KIAA1549: variants seen among roughly 807,000 people sequenced by gnomAD.
KIAA1549 encodes the protein UPF0606 protein KIAA1549.
Under a neutral mutation model 156.4 loss-of-function variants are expected in KIAA1549, and 70 were observed. The observed-to-expected ratio is 0.45, with a 90% CI of 0.37 to 0.55. The LOEUF is 0.55. KIAA1549 is among the 20% of genes least tolerant of loss of function. The probability of loss-of-function intolerance (pLI) is 0.00; values close to 1 mark genes in which losing one functional copy is unlikely to be tolerated. For missense variants in KIAA1549, 2,428 were observed against 2,540.9 expected, an observed-to-expected ratio of 0.96 and a Z score of 0.96; for synonymous variants, 1,103 against 1,066.4, an observed-to-expected ratio of 1.03 and a Z score of -0.67.
intron 1 of KIAA1549, among the ~76,000 whole-genome samples, chr7:138,974,117 C>A (rs1163991375): frequency 6.6e-6 from 1 of 152,216 alleles, no homozygotes; most frequent in Admixed American, 6.5e-5. Context: ...AAGAGACACA[C>A]AAATGGTCAA....
intron 1 of KIAA1549, among the ~76,000 whole-genome samples, chr7:138,976,582 C>T (rs1295017839): frequency 2.6e-5 from 4 of 152,132 alleles, no homozygotes; most frequent in Non-Finnish European, 4.4e-5. Context: ...TTGTTAATCT[C>T]TTACTGTGCC....
chr7:138,880,581 G>A (rs1811213052), intron 11 of KIAA1549, among the ~76,000 whole-genome samples: 1 of 152,114 alleles, frequency 6.6e-6, no homozygotes, highest in Non-Finnish European at 1.5e-5. Flanking sequence ...GCTCTTAGCA[G>A]GAAATCAGGA....
intron 1 of KIAA1549, among the ~76,000 whole-genome samples, chr7:138,925,971 G>A (rs765594931): frequency 1.3e-5 from 2 of 152,094 alleles, no homozygotes; most frequent in Non-Finnish European, 2.9e-5. Flanking sequence ...GTCCACCTGG[G>A]GACAGCTCAC....
At position 138,925,938 on chromosome 7, in the gene KIAA1549, G is replaced by A. The variant is rs534165628; in HGVS notation, c.188-6500C>T. On this transcript the variant is annotated intron_variant, in intron 1 of 19. Coordinates refer to ENST00000422774, the MANE Select transcript of KIAA1549 (RefSeq NM_001164665.2). ...TACTAAAACTTATGGGCAGGCACAC[G>A]TTTTGGACTCTGAAGCCCCGCAGTC... 7.6e-4 allele frequency among the ~76,000 whole-genome samples: 113 copies of A among 149,212 alleles called. 1 individual carries two copies. The highest frequency in any genetic ancestry group is 1.6e-3 in the African/African-American group (63 of 40,578).
Position 138,861,306 on chromosome 7 carries a change from C to T in KIAA1549, c.5080G>A (p.Ala1694Thr). Residue 1694 changes from alanine (A) to threonine (T), a missense_variant, in exon 16 of 20, where the codon GCC (alanine) becomes ACC (threonine). Transcript: ENST00000422774. ...RQTMHSLLDD[A>T]FALVAPSSQP... ...CTGCTGGGGGCCACGAGGGCAAAGG[C>T]GTCGTCCAGGAGGGAGTGCATGGTC... is the stretch of plus-strand genomic sequence containing the variant. 1.2e-6 allele frequency: 2 copies of T among 1,608,700 alleles called. No homozygotes were observed. The highest frequency in any genetic ancestry group is 1.7e-6 in the Non-Finnish European group (2 of 1,178,208).
At chr7:138,945,184 G>A (rs1813302329) in intron 1 of KIAA1549, among the ~76,000 whole-genome samples, 1 of 152,076 alleles carries the variant, frequency 6.6e-6, no homozygotes, top group African/African-American at 2.4e-5. Flanking sequence ...GAATCACCCA[G>A]GGATCTTTTT....
At chr7:138,925,976 G>A (rs1812705797) in intron 1 of KIAA1549, among the ~76,000 whole-genome samples, 1 of 152,078 alleles carries the variant, frequency 6.6e-6, no homozygotes, top group South Asian at 2.1e-4. Flanking sequence ...CCTGGGGACA[G>A]CTCACAACTG....
At position 138,868,191 on chromosome 7, in the gene KIAA1549, C is replaced by T. The variant is rs111345596; in HGVS notation, c.4776-63G>A. 288 of 1,506,174 alleles carry T rather than the reference C, an allele frequency of 1.9e-4. 2 individuals carry two copies. The African/African-American group carries it at 3.6e-3, about 19-fold the overall frequency. 93.3% of individuals were successfully genotyped at this position (1,506,174 alleles called of 1,614,324 possible). ...ACCCTTTTTGCCACTGACTTACCAA[C>T]TAAACACTAAGTACCCTGAGTACCT... On this transcript the variant is annotated intron_variant, in intron 14 of 19. Coordinates refer to ENST00000422774, the MANE Select transcript of KIAA1549 (RefSeq NM_001164665.2).
rs75576327 is a variant in KIAA1549, at chr7:138,968,859, CAAAA to C, written c.187+12220_187+12223del. Reference sequence around the variant, plus strand: ...TGGGCGACAGAGCCAGACTCCGTCTCAAAAAAAAAAAAAAAAAAAAACACCTTGT... The same window carrying C: ...TGGGCGACAGAGCCAGACTCCGTCTCAAAAAAAAAAAAAAAAACACCTTGT... On this transcript the variant is annotated intron_variant, in intron 1 of 19. Transcript: ENST00000422774. 1.2e-4 allele frequency among the ~76,000 whole-genome samples: 8 copies of C among 66,454 alleles called. No individual in the cohort carries two copies. The South Asian group carries it at 1.9e-3, about 16-fold the overall frequency. 43.6% of individuals were successfully genotyped at this position (66,454 alleles called of 152,430 possible).
At chr7:138,853,581 C>T (rs989482216) in intron 16 of KIAA1549, among the ~76,000 whole-genome samples, 1 of 152,038 alleles carries the variant, frequency 6.6e-6, no homozygotes, top group African/African-American at 2.4e-5. Context: ...ATAACGATCT[C>T]CACATTCACA....
At chr7:138,980,801 G>A (rs191737454) in intron 1 of KIAA1549, among the ~76,000 whole-genome samples, 187 of 152,362 alleles carry the variant, frequency 1.2e-3, no homozygotes, top group African/African-American at 4.3e-3. Context: ...ATTCTGAGAT[G>A]AAGCCACCAG....
At position 138,836,857 on chromosome 7, in the gene KIAA1549, G is replaced by C. The variant is rs1302147436; in HGVS notation, c.*1049C>G. Reference sequence around the variant, plus strand: ...TTTCATTTCCAGGCTCTGAACACAGGGAATGTGACTGGTAGGGATGTATGT... The same window carrying C: ...TTTCATTTCCAGGCTCTGAACACAGCGAATGTGACTGGTAGGGATGTATGT... On this transcript the variant is annotated 3_prime_UTR_variant, in exon 20 of 20. Transcript: ENST00000422774. 3.5e-5 allele frequency: 8 copies of C among 225,898 alleles called. No individual in the cohort carries two copies. Among genetic ancestry groups the C allele is most frequent in the Non-Finnish European group, 6.2e-5 (7 of 113,638 alleles). 14.0% of individuals were successfully genotyped at this position (225,898 alleles called of 1,614,324 possible).
rs891863129 is a variant in KIAA1549, at chr7:138,835,253, C to A, written c.*2653G>T. The A allele has an allele frequency of 4.7e-6, 1 of 213,480 alleles. No individual in the cohort carries two copies. Among genetic ancestry groups the A allele is most frequent in the Non-Finnish European group, 9.5e-6 (1 of 105,676 alleles). The allele number at this position is 213,480 out of a possible 1,614,324, so 13.2% of individuals were successfully genotyped here. On this transcript the variant is annotated 3_prime_UTR_variant, in exon 20 of 20. Coordinates refer to ENST00000422774, the MANE Select transcript of KIAA1549 (RefSeq NM_001164665.2). Reference sequence around the variant, plus strand: ...TGACTGGCAAAACTGTTGTGGCAGGCGTCGAGAGGAAGCAAGTACAAACTG... The same window carrying A: ...TGACTGGCAAAACTGTTGTGGCAGGAGTCGAGAGGAAGCAAGTACAAACTG...
chr7:138,912,599 G>A (rs181349685), intron 2 of KIAA1549, 139 bp from the exon 3 acceptor site: 5 of 681,068 alleles, frequency 7.3e-6, no homozygotes, highest in Non-Finnish European at 1.3e-5. Flanking sequence ...GCCAGACCAA[G>A]ACAGAACAGG....
chr7:138,889,528 C>T (rs1049366772), intron 10 of KIAA1549, among the ~76,000 whole-genome samples: 11 of 152,146 alleles, frequency 7.2e-5, no homozygotes, highest in South Asian at 4.1e-4. Flanking sequence ...CAACAAGATG[C>T]GACACAGGGT....
chr7:138,919,240 G>A lies in KIAA1549; in HGVS notation c.386C>T (p.Thr129Ile), dbSNP rs201427037. Residue 129 changes from threonine (T) to isoleucine (I), a missense_variant, in exon 2 of 20, where the codon ACC (threonine) becomes ATC (isoleucine). Transcript: ENST00000422774. Reference protein sequence around the residue: ...DTAFFNQGKQTKSTADPSIFV... With the variant: ...DTAFFNQGKQIKSTADPSIFV... The stretch of plus-strand genomic sequence containing the variant: ...GATGCTGGGATCTGCTGTACTTTTG[G>A]TCTGTTTTCCTTGGTTAAAAAAGGC... The A allele has an allele frequency of 5.5e-5, 88 of 1,613,874 alleles. No individual in the cohort carries two copies. The highest frequency in any genetic ancestry group is 6.9e-5 in the Non-Finnish European group (82 of 1,179,910).
intron 9 of KIAA1549, among the ~76,000 whole-genome samples, chr7:138,897,087 T>C (rs1188430748): frequency 6.6e-6 from 1 of 152,116 alleles, no homozygotes; most frequent in East Asian, 1.9e-4. Context: ...GGAAAAGAGG[T>C]GCAAGATCAC....
intron 8 of KIAA1549, among the ~76,000 whole-genome samples, chr7:138,899,340 G>A (rs1811777423): frequency 1.3e-5 from 2 of 152,140 alleles, no homozygotes; most frequent in Admixed American, 1.3e-4. Context: ...GGAGTAACAG[G>A]TTGCTTCATC....
At chr7:138,930,821 A>G (rs1325419280) in intron 1 of KIAA1549, among the ~76,000 whole-genome samples, 1 of 152,186 alleles carries the variant, frequency 6.6e-6, no homozygotes, top group African/African-American at 2.4e-5. Context: ...AATTTCCTTC[A>G]AGAACTTTTC....
Sources: gnomAD v4.1 joint callset for allele counts (sites outside exome capture counted in the v4.1 genomes callset) on GRCh38, gnomAD v4.1.1 for gene constraint, MANE v1.5 for transcripts, NCBI Gene and HGNC (gene_info 2026-07-23, HGNC 2026-07-21) for gene names.